Variants in STAB2 observed in about 807,000 individuals in gnomAD.
The protein encoded by STAB2 is stabilin-2.
A neutral mutation model predicts 338.1 loss-of-function variants in STAB2; 288 were observed. The observed-to-expected ratio is 0.85, with a 90% CI of 0.77 to 0.94. STAB2 has a LOEUF of 0.94. STAB2 is among the 40% of genes least tolerant of loss of function. The pLI is 0.00. For synonymous variants in STAB2, 1,202 were observed against 1,193.3 expected (o/e 1.01, Z -0.15); for missense variants, 3,141 against 3,210.1 (o/e 0.98, Z 0.52).
chr12:103,680,211 G>T lies in STAB2; in HGVS notation c.2805+2600G>T, dbSNP rs539784179. 5.3e-5 allele frequency among the ~76,000 whole-genome samples: 8 copies of T among 152,312 alleles called. 1 individual carries two copies. Among genetic ancestry groups the T allele is most frequent in the African/African-American group, 1.9e-4 (8 of 41,554 alleles). On this transcript the variant is annotated intron_variant, in intron 25 of 68. Transcript: ENST00000388887. ...AACAAGTTTGGAGAAGGATGGTAAT[G>T]ATGGTTGTACACGAATGTGAATGTA...
At chr12:103,648,914 A>G in intron 10 of STAB2, 91 bp downstream of exon 10, 1 of 1,524,318 alleles carries the variant, frequency 6.6e-7, no homozygotes, top group Non-Finnish European at 8.8e-7. Context: ...GGGACAGGCG[A>G]GCCTTGTCTA....
rs765987975 is a variant in STAB2 at position 103,713,835 on chromosome 12, A to G, written c.4537+67A>G. 6.7e-5 allele frequency: 107 copies of G among 1,591,708 alleles called. No individual in the cohort carries two copies. The Middle Eastern group carries it at 9.7e-4, about 14-fold the overall frequency. On this transcript the variant is annotated intron_variant, in intron 42 of 68. Coordinates refer to ENST00000388887, the MANE Select transcript of STAB2 (RefSeq NM_017564.10). ...GTCATAGCCCTATTAAATGATTCCA[A>G]CGTGTGTGCCCTGATTATCAGGACA...
intron 2 of STAB2, 31 bp from the exon 3 acceptor site, chr12:103,594,364 G>A (rs1469828847): frequency 1.5e-5 from 24 of 1,549,712 alleles, no homozygotes; most frequent in Middle Eastern, 1.7e-4. Flanking sequence ...TGCTCTTATC[G>A]TGGGTTAATG....
At chr12:103,689,803 C>G (rs761223149) in intron 28 of STAB2, 43 bp from the exon 29 acceptor site, 1 of 1,595,996 alleles carries the variant, frequency 6.3e-7, no homozygotes, top group South Asian at 1.1e-5. Context: ...TCTGTTTGTC[C>G]CCTAACATAA....
At chr12:103,620,674 G>A (rs1426975608) in intron 4 of STAB2, 121 bp downstream of exon 4, 1 of 875,212 alleles carries the variant, frequency 1.1e-6, no homozygotes, top group African/African-American at 1.7e-5. Flanking sequence ...CACATATACA[G>A]CGAAGTTCTT....
Position 103,708,463 on chromosome 12 carries a change from A to C in STAB2, c.4215A>C (p.Arg1405Ser). The C allele has an allele frequency of 6.2e-7, 1 of 1,614,126 alleles. No homozygotes were observed. Among genetic ancestry groups the C allele is most frequent in the Non-Finnish European group, 8.5e-7 (1 of 1,179,978 alleles). Residue 1405 changes from arginine (R) to serine (S), a missense_variant, in exon 39 of 69, where the codon AGA (arginine) becomes AGC (serine). Coordinates refer to ENST00000388887, the MANE Select transcript of STAB2 (RefSeq NM_017564.10). ...CDQACSCVHG[R>S]CNQGPLGDGS... is the part of the protein sequence containing the mutation. Reference sequence around the variant, plus strand: ...TAGCATGTTCTTGTGTCCATGGGAGATGCAACCAAGGACCCTTGGGAGATG... The same window carrying C: ...TAGCATGTTCTTGTGTCCATGGGAGCTGCAACCAAGGACCCTTGGGAGATG...
chr12:103,703,066 C>T, intron 34 of STAB2, 82 bp from the exon 35 acceptor site: 1 of 1,446,928 alleles, frequency 6.9e-7, no homozygotes, highest in Non-Finnish European at 9.3e-7. Flanking sequence ...AGGCAATTGT[C>T]CTATTGCTAA....
intron 52 of STAB2, among the ~76,000 whole-genome samples, chr12:103,736,134 C>G (rs1328433177): frequency 1.3e-5 from 2 of 152,216 alleles, no homozygotes; most frequent in Non-Finnish European, 2.9e-5. Flanking sequence ...AAGCCAAAAT[C>G]CTGTGACTTA....
At chr12:103,643,809 C>T (rs570192069) in intron 9 of STAB2, among the ~76,000 whole-genome samples, 23 of 151,938 alleles carry the variant, frequency 1.5e-4, no homozygotes, top group Admixed American at 3.3e-4. Flanking sequence ...GGCTATTAGC[C>T]GCCCCGACCG....
chr12:103,729,118 T>C, intron 48 of STAB2, 123 bp downstream of exon 48: 2 of 871,376 alleles, frequency 2.3e-6, no homozygotes, highest in Non-Finnish European at 3.6e-6. Flanking sequence ...CAATGCTGCA[T>C]GTCCTCACTT....
intron 29 of STAB2, 49 bp downstream of exon 29, chr12:103,690,031 T>TA: frequency 1.3e-6 from 2 of 1,581,934 alleles, no homozygotes; most frequent in Non-Finnish European, 1.7e-6. Flanking sequence ...GGCATCTGTG[T>TA]AAACATGTCT....
chr12:103,737,780 G>A lies in STAB2; in HGVS notation c.5697G>A (p.Ser1899=), dbSNP rs144027784. The A allele has an allele frequency of 3.7e-5, 59 of 1,613,358 alleles. No homozygotes were observed. The highest frequency in any genetic ancestry group is 1.8e-4 in the South Asian group (16 of 91,016). The part of the protein sequence containing the change: ...RCDTFTTFDA[S]GECGSCVNTP... ...ACACCTTTACTACTTTCGATGCCTC[G>A]GTCAGTCCTAAAAACAACAGTGTAG... Residue 1899 remains serine, a splice_region_variant and synonymous_variant, in exon 53 of 69, where the codon TCG becomes TCA. Transcript: ENST00000388887.
rs11614418 is a variant in STAB2 at position 103,674,034 on chromosome 12, C to T, written c.2499C>T (p.Tyr833=). The T allele has an allele frequency of 0.38, 613,640 of 1,613,654 alleles. 118,380 individuals carry two copies. The highest frequency in any genetic ancestry group is 0.53 in the East Asian group (23,743 of 44,860). The part of the protein sequence containing the change: ...CDKQTSACGP[Y]VQFCHIHATC... ...AGCAGACCTCAGCCTGTGGGCCCTA[C>T]GTGCAGTTCTGTCACATCCACGCCA... Residue 833 remains tyrosine (Y), a synonymous_variant, in exon 23 of 69, where the codon TAC becomes TAT. Transcript: ENST00000388887.
In STAB2 at chr12:103,598,734, C is replaced by G. The variant is rs114340818; in HGVS notation, c.331+4224C>G. Among the ~76,000 whole-genome samples the G allele has an allele frequency of 7.2e-3, 1,093 of 152,242 alleles. 19 individuals are homozygous for G. Among genetic ancestry groups the G allele is most frequent in the African/African-American group, 0.025 (1,055 of 41,544 alleles). ...CATAAAATGAGGATTCCTCATACCC[C>G]CACATTCCTGCTACCTTTTCTCCCA... On this transcript the variant is annotated intron_variant, in intron 3 of 68. Transcript: ENST00000388887.
chr12:103,742,284 A>T, intron 55 of STAB2, 121 bp from the exon 56 acceptor site: 3 of 1,314,670 alleles, frequency 2.3e-6, no homozygotes, highest in Non-Finnish European at 3.2e-6. Context: ...ATATCCACTG[A>T]CACTGAAGGC....
chr12:103,649,963 G>T (rs570069715), intron 10 of STAB2, among the ~76,000 whole-genome samples: 1 of 152,070 alleles, frequency 6.6e-6, no homozygotes, highest in East Asian at 1.9e-4. Context: ...CTGTCCTGTC[G>T]TCCCAGCTTC....
intron 9 of STAB2, 31 bp from the exon 10 acceptor site, chr12:103,648,659 C>A: frequency 6.2e-7 from 1 of 1,607,682 alleles, no homozygotes; most frequent in Non-Finnish European, 8.5e-7. Context: ...GGCTCTAAAA[C>A]CCTGAGGATG....
intron 43 of STAB2, among the ~76,000 whole-genome samples, chr12:103,716,668 A>T (rs1403809005): frequency 6.6e-6 from 1 of 152,258 alleles, no homozygotes; most frequent in Non-Finnish European, 1.5e-5. Flanking sequence ...GTGAGCACAC[A>T]TGCACATGTG....
chr12:103,625,987 T>C (rs1157824028), intron 5 of STAB2, among the ~76,000 whole-genome samples: 1 of 152,136 alleles, frequency 6.6e-6, no homozygotes, highest in Admixed American at 6.5e-5. Flanking sequence ...AGTGTAAAAG[T>C]GTTCCTATTT....
Sources: gnomAD v4.1 joint callset for allele counts (sites outside exome capture counted in the v4.1 genomes callset) on GRCh38, gnomAD v4.1.1 for gene constraint, MANE v1.5 for transcripts, NCBI Gene and HGNC (gene_info 2026-07-23, HGNC 2026-07-21) for gene names.